The following LAMB4 variants were observed in gnomAD, a reference collection of about 807,000 sequenced individuals.
LAMB4 encodes laminin subunit beta 4, also known as laminin subunit beta-4.
Under a neutral mutation model 199.2 loss-of-function variants are expected in LAMB4, and 196 were observed. The observed-to-expected ratio is 0.98, with a 90% CI of 0.88 to 1.11. The LOEUF (loss-of-function observed/expected upper bound fraction) is 1.11. LAMB4 is among the 50% of genes least tolerant of loss of function. LAMB4 has a pLI of 0.00. For synonymous variants in LAMB4, 744 were observed against 770.6 expected, an observed-to-expected ratio of 0.97 and a Z score of 0.57; for missense variants, 2,080 against 2,171.2, an observed-to-expected ratio of 0.96 and a Z score of 0.83.
At chr7:108,031,369 G>GAAAAAAAAAAAAAAAAAAAAAAAGAAAAA (rs371230419) in intron 31 of LAMB4, among the ~76,000 whole-genome samples, 1 of 81,162 alleles carries the variant, frequency 1.2e-5, no homozygotes, top group Non-Finnish European at 2.5e-5. Context: ...AAAAGGAAAA[G>GAAAAAAAAAAAAAAAAAAAAAAAGAAAAA]AAAAAAAAAA....
In LAMB4 at chr7:108,091,677, G is replaced by C. The variant is rs1456971577; in HGVS notation, c.1650C>G (p.Phe550Leu). The C allele has an allele frequency of 6.2e-7, 1 of 1,614,080 alleles. No homozygotes were observed. The highest frequency in any genetic ancestry group is 2.2e-5 in the East Asian group (1 of 44,898). ...TGGCTTCCTCTGCCTCGTAGAGATAGAAATTCAAAGGAGCAAAGAAGTAGC... is the reference window on the plus strand; with the variant it reads ...TGGCTTCCTCTGCCTCGTAGAGATACAAATTCAAAGGAGCAAAGAAGTAGC... ...APGYFFAPLN[F>L]YLYEAEEATT... is the part of the protein sequence containing the mutation. The change falls in exon 14 of 34, where the codon TTC becomes TTG. Residue 550 changes from phenylalanine (F) to leucine (L), a missense_variant. By Grantham distance (22) the Phe-to-Leu change is conservative (BLOSUM62 0). Coordinates refer to ENST00000388781, the MANE Select transcript of LAMB4 (RefSeq NM_007356.3).
intron 29 of LAMB4, among the ~76,000 whole-genome samples, chr7:108,039,293 A>AAT (rs2035335979): frequency 6.6e-6 from 1 of 152,126 alleles, no homozygotes; most frequent in African/African-American, 2.4e-5. Context: ...ACATGACATG[A>AAT]ATATATATTC....
At chr7:108,018,354 G>A in the LAMB4 span, among the ~76,000 whole-genome samples, 3 of 152,208 alleles carry the variant, frequency 2.0e-5, no homozygotes, top group East Asian at 3.8e-4. Context: ...GGACATGGAG[G>A]AGCGTGCCAT....
chr7:108,078,235 T>C lies in LAMB4; in HGVS notation c.1969A>G (p.Lys657Glu). ...GCTGGTAAGGCAAAAGACTGAGGCTTTGACTGTAGAGTCTTGGGTATGCAG... is the reference window on the plus strand; with the variant it reads ...GCTGGTAAGGCAAAAGACTGAGGCTCTGACTGTAGAGTCTTGGGTATGCAG... ...EHCIPKTLQS[K>E]PQSFALPAAT... Residue 657 changes from lysine to glutamate, a missense_variant, in exon 16 of 34, where the codon AAG (lysine) becomes GAG (glutamate). Lys to Glu is a moderately conservative substitution (Grantham distance 56). Transcript: ENST00000388781. The C allele has an allele frequency of 6.2e-7, 1 of 1,611,598 alleles. No homozygotes were observed. The highest frequency in any genetic ancestry group is 8.5e-7 in the Non-Finnish European group (1 of 1,178,960).
chr7:108,018,984 A>G (rs1171330697), downstream of LAMB4, among the ~76,000 whole-genome samples: 1 of 152,070 alleles, frequency 6.6e-6, no homozygotes, highest in Non-Finnish European at 1.5e-5. Flanking sequence ...TCACAGTATT[A>G]TCTTCATGTG....
chr7:108,040,549 T>C (rs75905032), intron 29 of LAMB4, among the ~76,000 whole-genome samples: 1 of 152,224 alleles, frequency 6.6e-6, no homozygotes, highest in African/African-American at 2.4e-5. Context: ...ATGGTGCTAG[T>C]ACAAAAAACA....
chr7:108,054,298 GC>G (rs2035913506), intron 25 of LAMB4, among the ~76,000 whole-genome samples: 1 of 152,140 alleles, frequency 6.6e-6, no homozygotes, highest in Non-Finnish European at 1.5e-5. Flanking sequence ...ACCCTGGCTG[GC>G]CATTTGTCCT....
chr7:108,112,843 A>G (rs1321419848), intron 3 of LAMB4, among the ~76,000 whole-genome samples: 1 of 152,218 alleles, frequency 6.6e-6, no homozygotes, highest in African/African-American at 2.4e-5. Flanking sequence ...CTACAACAGC[A>G]TAGGTGCTCA....
chr7:108,020,846 C>T (rs1274725041), downstream of LAMB4, among the ~76,000 whole-genome samples: 1 of 152,128 alleles, frequency 6.6e-6, no homozygotes, highest in Non-Finnish European at 1.5e-5. Context: ...GAATATGTAC[C>T]AATACCCAGC....
chr7:108,040,428 C>G (rs1426430368), intron 29 of LAMB4, among the ~76,000 whole-genome samples: 1 of 152,006 alleles, frequency 6.6e-6, no homozygotes, highest in African/African-American at 2.4e-5. Flanking sequence ...TCATATGGAA[C>G]AAAAAAACAG....
chr7:108,036,711 T>C (rs1489086855), intron 30 of LAMB4, among the ~76,000 whole-genome samples: 2 of 151,982 alleles, frequency 1.3e-5, no homozygotes, highest in African/African-American at 4.8e-5. Context: ...CATAAAAACA[T>C]CAACCTGGCT....
At chr7:108,081,767 A>G (rs2036951698) in intron 14 of LAMB4, among the ~76,000 whole-genome samples, 1 of 152,104 alleles carries the variant, frequency 6.6e-6, no homozygotes, top group South Asian at 2.1e-4. Flanking sequence ...AGGGAAGGGG[A>G]GGCACTGACT....
In LAMB4 at chr7:108,062,984, G is replaced by A. The variant is rs1357926488; in HGVS notation, c.3072C>T (p.Cys1024=). Reference sequence around the variant, plus strand: ...CCATGGGACTCACGCCGGAAGCATGGCAGGAGCATCCTGTGATGACAAAAC... The same window carrying A: ...CCATGGGACTCACGCCGGAAGCATGACAGGAGCATCCTGTGATGACAAAAC... The part of the protein sequence containing the change: ...ALNQTCRRCS[C]HASGVSPMEC... The change falls in exon 23 of 34, where the codon TGC becomes TGT. Residue 1024 remains cysteine, a synonymous_variant. Transcript: ENST00000388781. 6.4e-7 allele frequency: 1 copy of A among 1,569,590 alleles called. No individual in the cohort carries two copies. The highest frequency in any genetic ancestry group is 8.6e-7 in the Non-Finnish European group (1 of 1,161,548).
chr7:108,121,281 G>T (rs922064026), intron 2 of LAMB4, among the ~76,000 whole-genome samples: 5 of 152,148 alleles, frequency 3.3e-5, no homozygotes, highest in African/African-American at 9.7e-5. Flanking sequence ...TTTCTGTAAA[G>T]AATTGTTTTA....
intron 30 of LAMB4, among the ~76,000 whole-genome samples, chr7:108,036,821 C>T (rs557050243): frequency 2.8e-4 from 42 of 151,230 alleles, no homozygotes; most frequent in African/African-American, 9.7e-4. Flanking sequence ...TCCTGGAGCT[C>T]TAGTGTCCGT....
chr7:108,113,925 G>A (rs1047582491), intron 3 of LAMB4, among the ~76,000 whole-genome samples: 4 of 152,170 alleles, frequency 2.6e-5, no homozygotes, highest in Admixed American at 2.0e-4. Flanking sequence ...CACTTTGTCA[G>A]CCTGAAATAT....
At chr7:108,044,832 A>T (rs572735855) in intron 28 of LAMB4, among the ~76,000 whole-genome samples, 1 of 151,952 alleles carries the variant, frequency 6.6e-6, no homozygotes, top group South Asian at 2.1e-4. Flanking sequence ...GCATGCCTGT[A>T]ATTCCAGCTA....
chr7:108,123,284 G>A (rs754320906), intron 1 of LAMB4, 87 bp from the exon 2 acceptor site: 281 of 757,812 alleles, frequency 3.7e-4, no homozygotes, highest in Non-Finnish European at 5.7e-4. Context: ...TAGGGTTATC[G>A]AATGGTTCTT....
rs528030020 is a variant in LAMB4, at chr7:108,029,217, A to G, written c.4993-21T>C. On this transcript the variant is annotated intron_variant, in intron 32 of 33. Transcript: ENST00000388781. ...AATTCCTGTAACAAGCAACACTTGCATCATGAGAAAATATGTATAAAGCAT... is the reference window on the plus strand; with the variant it reads ...AATTCCTGTAACAAGCAACACTTGCGTCATGAGAAAATATGTATAAAGCAT... The G allele has an allele frequency of 1.2e-5, 20 of 1,605,274 alleles. No individual in the cohort carries two copies. The Admixed American group carries it at 2.7e-4, about 22-fold the overall frequency.
Sources: allele counts gnomAD v4.1 joint callset (sites outside exome capture counted in the v4.1 genomes callset), GRCh38; gene constraint gnomAD v4.1.1; transcripts MANE v1.5; gene names NCBI Gene and HGNC (gene_info 2026-07-23, HGNC 2026-07-21).